CADM2: variants seen among roughly 807,000 people sequenced by gnomAD.
CADM2 encodes immunoglobulin superfamily member 4D.
A neutral mutation model predicts 49.8 loss-of-function variants in CADM2; 12 were observed. The observed-to-expected ratio is 0.24, with a 90% CI of 0.15 to 0.39. The LOEUF (loss-of-function observed/expected upper bound fraction) is 0.39. Among genes scored for constraint, CADM2 ranks in the 10% least tolerant of loss-of-function variants. The probability of loss-of-function intolerance (pLI) is 1.00; values close to 1 mark genes in which losing one functional copy is unlikely to be tolerated. For missense variants in CADM2, 378 were observed against 492.3 expected (o/e 0.77, Z 2.20); for synonymous variants, 214 against 175.4 (o/e 1.22, Z -1.74).
intron 1 of CADM2, among the ~76,000 whole-genome samples, chr3:85,145,020 G>T (rs576959272): frequency 9.9e-5 from 15 of 152,216 alleles, no homozygotes; most frequent in South Asian, 6.2e-4. Context: ...TTAACTCAAA[G>T]ATATGAGATT....
chr3:85,359,666 A>ATATATATATATAT, intron 1 of CADM2, among the ~76,000 whole-genome samples: 9 of 26,554 alleles, frequency 3.4e-4, no homozygotes, highest in African/African-American at 9.6e-4. Flanking sequence ...ATATATATAT[A>ATATATATATATAT]TTTTTTTTTT....
intron 1 of CADM2, among the ~76,000 whole-genome samples, chr3:84,965,242 G>C (rs1333785665): frequency 6.6e-6 from 1 of 152,144 alleles, no homozygotes; most frequent in East Asian, 1.9e-4. Context: ...CAAATTCCTT[G>C]TGTAAAGAGG....
intron 1 of CADM2, among the ~76,000 whole-genome samples, chr3:85,627,419 AT>A (rs1186058599): frequency 1.3e-5 from 2 of 152,192 alleles, no homozygotes; most frequent in East Asian, 3.9e-4. Context: ...ATGAATATTC[AT>A]ATATATACAT....
At chr3:85,509,173 A>G (rs879354025) in intron 1 of CADM2, among the ~76,000 whole-genome samples, 4 of 152,178 alleles carry the variant, frequency 2.6e-5, no homozygotes, top group Non-Finnish European at 4.4e-5. Context: ...GAGCTGAACT[A>G]AAACTTACCT....
At chr3:85,650,125 G>A (rs2065000541) in intron 1 of CADM2, among the ~76,000 whole-genome samples, 1 of 152,108 alleles carries the variant, frequency 6.6e-6, no homozygotes, top group African/African-American at 2.4e-5. Context: ...GTTCAATTAA[G>A]TAAATGTTCT....
intron 1 of CADM2, among the ~76,000 whole-genome samples, chr3:85,486,941 A>ATTT (rs11412583): frequency 1.3e-5 from 2 of 149,670 alleles, no homozygotes; most frequent in Non-Finnish European, 3.0e-5. Flanking sequence ...ACTTTTAATA[A>ATTT]TTTTTTTTTT....
intron 3 of CADM2, among the ~76,000 whole-genome samples, chr3:85,852,558 T>C (rs1403770190): frequency 1.3e-5 from 2 of 151,984 alleles, no homozygotes; most frequent in Non-Finnish European, 2.9e-5. Context: ...TTTAAACATT[T>C]AACAGGAAAT....
At chr3:85,672,406 A>C (rs959895294) in intron 1 of CADM2, among the ~76,000 whole-genome samples, 17 of 151,846 alleles carry the variant, frequency 1.1e-4, no homozygotes, top group Non-Finnish European at 2.4e-4. Context: ...GTTAACCGGG[A>C]TGGTCTTGAT....
intron 1 of CADM2, among the ~76,000 whole-genome samples, chr3:85,048,602 G>A (rs1172908026): frequency 1.3e-5 from 2 of 152,124 alleles, no homozygotes; most frequent in Admixed American, 6.6e-5. Flanking sequence ...TTTCAACGAG[G>A]AGTGAGAAAC....
rs561155431 is a variant in CADM2 at position 85,550,097 on chromosome 3, G to A, written c.62-176425G>A. Among the ~76,000 whole-genome samples, 8 of 152,220 alleles carry A rather than the reference G, an allele frequency of 5.3e-5. No homozygotes were observed. The South Asian group carries it at 1.7e-3, about 32-fold the overall frequency. Reference sequence around the variant, plus strand: ...TAACAGCCTTTTACCGATGAGATAGGGAGCAGTGAGTGAGTAGTCCAAGGT... The same window carrying A: ...TAACAGCCTTTTACCGATGAGATAGAGAGCAGTGAGTGAGTAGTCCAAGGT... On this transcript the variant is annotated intron_variant, in intron 1 of 9. Coordinates refer to ENST00000383699, the MANE Select transcript of CADM2 (RefSeq NM_001167675.2).
intron 2 of CADM2, among the ~76,000 whole-genome samples, chr3:85,743,512 A>T (rs2068478698): frequency 6.6e-6 from 1 of 152,116 alleles, no homozygotes; most frequent in South Asian, 2.1e-4. Flanking sequence ...TTTAACAAAC[A>T]CTTTGTATAG....
At chr3:85,149,598 A>G (rs1179066542) in intron 1 of CADM2, among the ~76,000 whole-genome samples, 1 of 152,148 alleles carries the variant, frequency 6.6e-6, no homozygotes, top group African/African-American at 2.4e-5. Context: ...TTAGCCAGGC[A>G]TGGTGGCAGG....
chr3:85,633,165 T>C (rs1050403876), intron 1 of CADM2, among the ~76,000 whole-genome samples: 3 of 152,054 alleles, frequency 2.0e-5, no homozygotes, highest in African/African-American at 7.2e-5. Context: ...TGATTAATCA[T>C]CATGTTTATT....
intron 1 of CADM2, among the ~76,000 whole-genome samples, chr3:85,190,665 A>G (rs2041186806): frequency 6.6e-6 from 1 of 152,164 alleles, no homozygotes; most frequent in African/African-American, 2.4e-5. Context: ...GATAATAAGG[A>G]GCAGTAGAAT....
intron 6 of CADM2, among the ~76,000 whole-genome samples, chr3:85,915,722 A>T (rs756018926): frequency 1.6e-4 from 25 of 152,134 alleles, no homozygotes; most frequent in Non-Finnish European, 3.1e-4. Context: ...TTAATCTGGG[A>T]TTTATGGAGC....
intron 1 of CADM2, among the ~76,000 whole-genome samples, chr3:85,082,233 A>C (rs2037191442): frequency 6.6e-6 from 1 of 152,178 alleles, no homozygotes; most frequent in Non-Finnish European, 1.5e-5. Context: ...AAGCATTGTA[A>C]GGTAGGAATA....
intron 5 of CADM2, among the ~76,000 whole-genome samples, chr3:85,896,621 A>G (rs1459094508): frequency 1.3e-5 from 2 of 152,180 alleles, no homozygotes; most frequent in Non-Finnish European, 2.9e-5. Context: ...TCATTCTATA[A>G]GCATTATTTA....
intron 1 of CADM2, among the ~76,000 whole-genome samples, chr3:85,644,058 C>A (rs895513548): frequency 6.6e-6 from 1 of 152,134 alleles, no homozygotes; most frequent in Non-Finnish European, 1.5e-5. Context: ...ATGCATTACT[C>A]TGCTATGGTT....
chr3:85,074,832 G>A (rs531695753), intron 1 of CADM2, among the ~76,000 whole-genome samples: 1 of 151,584 alleles, frequency 6.6e-6, no homozygotes, highest in East Asian at 1.9e-4. Flanking sequence ...CCGGGATAGA[G>A]ATTTTTCTTC....
Sources: gnomAD v4.1 joint callset for allele counts (sites outside exome capture counted in the v4.1 genomes callset) on GRCh38, gnomAD v4.1.1 for gene constraint, MANE v1.5 for transcripts, NCBI Gene and HGNC (gene_info 2026-07-23, HGNC 2026-07-21) for gene names.